The following CHEK2 variants were observed in gnomAD, a reference collection of about 807,000 sequenced individuals.
CHEK2 encodes serine/threonine-protein kinase Chk2.
In CHEK2, 71 loss-of-function variants were observed where a neutral mutation model predicts 69.1. The ratio of observed to expected loss-of-function variants is 1.03; its 90% CI spans 0.85 to 1.25. The LOEUF (loss-of-function observed/expected upper bound fraction) is 1.25, where lower values mean the gene tolerates loss of function less well. Ranked by LOEUF, CHEK2 falls within the 50% of genes most tolerant of loss-of-function variation. CHEK2 has a pLI of 0.00. For missense variants in CHEK2, 664 were observed against 649.6 expected (o/e 1.02, Z -0.24); for synonymous variants, 189 against 226.9 (o/e 0.83, Z 1.50).
chr22:28,688,886 G>T (rs2052230089), intron 14 of CHEK2, among the ~76,000 whole-genome samples: 2 of 152,168 alleles, frequency 1.3e-5, no homozygotes, highest in South Asian at 4.1e-4. Flanking sequence ...AAATTGCCTT[G>T]CAGGTGACCT....
In CHEK2 at chr22:28,721,584, G is replaced by A. The variant is rs545508409; in HGVS notation, c.593-2099C>T. On this transcript the variant is annotated intron_variant, in intron 4 of 14. Coordinates refer to ENST00000404276, the MANE Select transcript of CHEK2 (RefSeq NM_007194.4). The stretch of plus-strand genomic sequence containing the variant: ...TTAAAGACGTGAGCCACCGCGCCCC[G>A]CCGTATTTTTGAAAATCAGCTGAGA... 178 of 457,890 alleles carry A rather than the reference G, an allele frequency of 3.9e-4. 2 individuals carry two copies. Among genetic ancestry groups the A allele is most frequent in the South Asian group, 2.7e-3 (170 of 63,268 alleles). 28.4% of individuals were successfully genotyped at this position (457,890 alleles called of 1,614,324 possible).
chr22:28,730,650 G>C (rs1373853295), intron 2 of CHEK2: 2 of 489,650 alleles, frequency 4.1e-6, no homozygotes, highest in Non-Finnish European at 3.8e-6. Flanking sequence ...CCGAGGGCAG[G>C]AGTTCGAGAC....
At chr22:28,702,734 A>G (rs1387868423) in intron 8 of CHEK2, among the ~76,000 whole-genome samples, 1 of 151,128 alleles carries the variant, frequency 6.6e-6, no homozygotes, top group South Asian at 2.1e-4. Flanking sequence ...TTTAGTAGAG[A>G]TGGGGTTTCA....
chr22:28,741,018 C>T (rs2054538670), intron 1 of CHEK2, among the ~76,000 whole-genome samples: 1 of 151,662 alleles, frequency 6.6e-6, no homozygotes, highest in Non-Finnish European at 1.5e-5. Context: ...GGCATGGTGG[C>T]GGGTACCTAT....
At chr22:28,699,727 C>T in intron 9 of CHEK2, 111 bp downstream of exon 9, 1 of 845,044 alleles carries the variant, frequency 1.2e-6, no homozygotes, top group Non-Finnish European at 2.0e-6. Context: ...ACAGCAAACA[C>T]ACAGATTCTC....
At chr22:28,729,837 A>C (rs1479669438) in intron 2 of CHEK2, among the ~76,000 whole-genome samples, 1 of 151,948 alleles carries the variant, frequency 6.6e-6, no homozygotes. Context: ...GCAGTCTCCA[A>C]CTCGTGGCCT....
intron 4 of CHEK2, among the ~76,000 whole-genome samples, chr22:28,721,812 C>A (rs2053797231): frequency 6.6e-6 from 1 of 151,908 alleles, no homozygotes; most frequent in Non-Finnish European, 1.5e-5. Context: ...CTCACTGTAG[C>A]CTCGACCTCC....
chr22:28,696,175 T>A (rs192940404), intron 10 of CHEK2, among the ~76,000 whole-genome samples: 5 of 152,302 alleles, frequency 3.3e-5, no homozygotes, highest in Non-Finnish European at 7.4e-5. Context: ...TCTAATTAGT[T>A]CTACATGGTT....
chr22:28,731,424 A>C (rs9613667), intron 2 of CHEK2, among the ~76,000 whole-genome samples: 58,316 of 151,690 alleles, frequency 0.38, 12,066 homozygotes, highest in African/African-American at 0.53. Context: ...TATGATGACA[A>C]CCCGTCCCTA....
chr22:28,728,935 G>T (rs918883344), intron 2 of CHEK2, among the ~76,000 whole-genome samples: 1 of 151,526 alleles, frequency 6.6e-6, no homozygotes, highest in Non-Finnish European at 1.5e-5. Context: ...ACGTGATAGT[G>T]GGTAACACTC....
At chr22:28,701,819 G>A (rs1336415285) in intron 8 of CHEK2, among the ~76,000 whole-genome samples, 1 of 152,202 alleles carries the variant, frequency 6.6e-6, no homozygotes, top group Non-Finnish European at 1.5e-5. Flanking sequence ...ATATTTCAGA[G>A]TAGAGCTGTC....
At chr22:28,725,655 G>A (rs1365604956) in intron 2 of CHEK2, among the ~76,000 whole-genome samples, 1 of 152,136 alleles carries the variant, frequency 6.6e-6, no homozygotes, top group Non-Finnish European at 1.5e-5. Context: ...GACCCCAGGA[G>A]CTCATGACCA....
At chr22:28,692,697 T>G (rs2052411667) in intron 13 of CHEK2, among the ~76,000 whole-genome samples, 1 of 152,228 alleles carries the variant, frequency 6.6e-6, no homozygotes, top group Non-Finnish European at 1.5e-5. Context: ...CTACCAGTTC[T>G]GTCCCCCATC....
rs985544479 is a variant in CHEK2, at chr22:28,698,107, G to A, written c.1009-1120C>T. Among the ~76,000 whole-genome samples, 11 of 151,366 alleles carry A rather than the reference G, an allele frequency of 7.3e-5. No individual in the cohort carries two copies. In the East Asian group the frequency reaches 2.1e-3, roughly 29 times the overall value. On this transcript the variant is annotated intron_variant, in intron 9 of 14. Transcript: ENST00000404276. ...TTAAATTTTTTTTTTAAAAAGGCTT[G>A]TGGGCGGGCACGGTGGCTCATGCCT...
intron 4 of CHEK2, chr22:28,721,623 G>A (rs1469590327): frequency 4.4e-6 from 2 of 459,624 alleles, no homozygotes; most frequent in African/African-American, 4.1e-5. Flanking sequence ...TAGATTTTAA[G>A]TATTTTCTCT....
At chr22:28,695,361 C>G in intron 11 of CHEK2, 119 bp from the exon 12 acceptor site, 1 of 717,270 alleles carries the variant, frequency 1.4e-6, no homozygotes, top group South Asian at 1.6e-5. Context: ...AATCAATGGT[C>G]AAAAAGTGAG....
intron 4 of CHEK2, chr22:28,721,431 C>T (rs936835023): frequency 1.9e-4 from 60 of 308,862 alleles, no homozygotes; most frequent in South Asian, 5.0e-4. Flanking sequence ...GGATTACAGG[C>T]GCCTGCCATC....
rs1323658505 is a variant in CHEK2, at chr22:28,695,078, C to G, written c.1375+49G>C. 6.2e-6 allele frequency: 7 copies of G among 1,129,494 alleles called. No homozygotes were observed. In the Admixed American group the frequency reaches 1.2e-4, roughly 19 times the overall value. The allele number at this position is 1,129,494 out of a possible 1,614,324, so 70.0% of individuals were successfully genotyped here. On this transcript the variant is annotated intron_variant, in intron 12 of 14. Transcript: ENST00000404276. ...TTGGGAAGAAACTCCCACCACAGCA[C>G]ATACACATTTTAGCATACCACAAAT...
At chr22:28,719,608 C>T (rs1161388532) in intron 4 of CHEK2, 123 bp from the exon 5 acceptor site, 2 of 635,078 alleles carry the variant, frequency 3.1e-6, no homozygotes, top group South Asian at 1.9e-5. Context: ...AACATGTAAC[C>T]TTAAGGAAAT....
Sources: allele counts gnomAD v4.1 joint callset (sites outside exome capture counted in the v4.1 genomes callset), GRCh38; gene constraint gnomAD v4.1.1; transcripts MANE v1.5; gene names NCBI Gene and HGNC (gene_info 2026-07-23, HGNC 2026-07-21).